Variants in NRXN3 observed in about 807,000 individuals in gnomAD.
The protein encoded by NRXN3 is neurexin III.
Under a neutral mutation model 137.6 loss-of-function variants are expected in NRXN3, and 32 were observed. That is an observed-to-expected ratio of 0.23 (90% CI 0.18 to 0.31). The LOEUF is 0.31. NRXN3 is among the 10% of genes least tolerant of loss of function. The pLI is 1.00. For missense variants in NRXN3, 1,574 were observed against 2,062.5 expected (o/e 0.76, Z 4.59); for synonymous variants, 798 against 784.5 (o/e 1.02, Z -0.29).
chr14:79,018,424 C>A (rs984350234), intron 15 of NRXN3, among the ~76,000 whole-genome samples: 2 of 152,004 alleles, frequency 1.3e-5, no homozygotes, highest in African/African-American at 4.8e-5. Context: ...ACCATCATAG[C>A]CCTGCCACTT....
At chr14:78,394,449 T>C (rs1478714599) in intron 4 of NRXN3, among the ~76,000 whole-genome samples, 3 of 152,000 alleles carry the variant, frequency 2.0e-5, no homozygotes, top group African/African-American at 7.2e-5. Context: ...TATAATTCTT[T>C]GTATATATTG....
intron 15 of NRXN3, among the ~76,000 whole-genome samples, chr14:79,058,583 C>A (rs1043964947): frequency 5.9e-5 from 9 of 152,086 alleles, no homozygotes; most frequent in Non-Finnish European, 1.3e-4. Context: ...TTCCAAGATT[C>A]TTTGATTCTA....
At position 78,249,707 on chromosome 14, in the gene NRXN3, G is replaced by A. The variant is rs560314436; in HGVS notation, c.709+5905G>A. On this transcript the variant is annotated intron_variant, in intron 2 of 20. Coordinates refer to ENST00000335750, the MANE Select transcript of NRXN3 (RefSeq NM_001330195.2). Reference sequence around the variant, plus strand: ...TTGCTCTTATTAAATACCACCCTGCGCCTGACATTCTAGGTGCTTTTTATA... The same window carrying A: ...TTGCTCTTATTAAATACCACCCTGCACCTGACATTCTAGGTGCTTTTTATA... Among the ~76,000 whole-genome samples, 7 of 152,160 alleles carry A rather than the reference G, an allele frequency of 4.6e-5. No homozygotes were observed. The South Asian group carries it at 8.3e-4, about 18-fold the overall frequency.
chr14:78,689,420 T>G (rs61977060), intron 6 of NRXN3, among the ~76,000 whole-genome samples: 22,808 of 152,118 alleles, frequency 0.15, 2,091 homozygotes, highest in African/African-American at 0.25. Flanking sequence ...TAGCACTTCT[T>G]GTTATTTGAG....
At chr14:78,661,384 A>T (rs2097840662) in intron 6 of NRXN3, among the ~76,000 whole-genome samples, 1 of 152,234 alleles carries the variant, frequency 6.6e-6, no homozygotes, top group Non-Finnish European at 1.5e-5. Flanking sequence ...CATTAATAAG[A>T]TGAGCAATAG....
chr14:79,053,315 C>T (rs913753461), intron 15 of NRXN3, among the ~76,000 whole-genome samples: 1 of 152,124 alleles, frequency 6.6e-6, no homozygotes, highest in Non-Finnish European at 1.5e-5. Flanking sequence ...CTATTATCTG[C>T]TTTTAGAGAT....
intron 10 of NRXN3, among the ~76,000 whole-genome samples, chr14:78,899,345 C>A (rs2099188216): frequency 6.6e-6 from 1 of 151,908 alleles, no homozygotes; most frequent in South Asian, 2.1e-4. Context: ...CAATCCTAAG[C>A]CCAAGAATTT....
chr14:78,424,644 T>C (rs1439158231), intron 4 of NRXN3, among the ~76,000 whole-genome samples: 1 of 152,214 alleles, frequency 6.6e-6, no homozygotes, highest in Non-Finnish European at 1.5e-5. Context: ...TCTGGGCTGA[T>C]GATTCAGGTA....
chr14:79,242,176 A>G (rs746701828), intron 15 of NRXN3, among the ~76,000 whole-genome samples: 1 of 152,190 alleles, frequency 6.6e-6, no homozygotes, highest in Non-Finnish European at 1.5e-5. Flanking sequence ...TGTAACGTGT[A>G]TAAGGTAACA....
intron 15 of NRXN3, among the ~76,000 whole-genome samples, chr14:79,070,145 A>G (rs961747762): frequency 2.6e-5 from 4 of 152,060 alleles, no homozygotes; most frequent in South Asian, 2.1e-4. Context: ...CAAGCCTCCT[A>G]TGTTTGTTCG....
chr14:79,746,301 G>T (rs1264007003), intron 19 of NRXN3, among the ~76,000 whole-genome samples: 1 of 152,108 alleles, frequency 6.6e-6, no homozygotes, highest in Non-Finnish European at 1.5e-5. Flanking sequence ...TTTGACAACT[G>T]CCCAGTTCAA....
intron 15 of NRXN3, among the ~76,000 whole-genome samples, chr14:79,064,701 C>T (rs2099678483): frequency 7.3e-6 from 1 of 136,898 alleles, no homozygotes. Flanking sequence ...TATAATTACC[C>T]ATATATATTT....
intron 15 of NRXN3, among the ~76,000 whole-genome samples, chr14:79,253,745 T>A (rs1458363201): frequency 1.3e-5 from 2 of 152,162 alleles, no homozygotes; most frequent in Admixed American, 6.5e-5. Flanking sequence ...GCTCTTGTGA[T>A]GAACTCACTC....
chr14:78,286,021 A>T (rs536922346), intron 3 of NRXN3, among the ~76,000 whole-genome samples: 4 of 152,282 alleles, frequency 2.6e-5, no homozygotes, highest in African/African-American at 9.6e-5. Context: ...TCACTCAGGG[A>T]TGCAGATCAC....
intron 15 of NRXN3, among the ~76,000 whole-genome samples, chr14:79,003,262 A>C (rs2099545475): frequency 6.6e-6 from 1 of 152,160 alleles, no homozygotes; most frequent in Non-Finnish European, 1.5e-5. Context: ...TGGTCTGTGA[A>C]TCTTTGGCTC....
chr14:78,563,788 C>T (rs1600528473), intron 4 of NRXN3, among the ~76,000 whole-genome samples: 1 of 152,176 alleles, frequency 6.6e-6, no homozygotes, highest in Admixed American at 6.5e-5. Flanking sequence ...TGCCCTTCAG[C>T]ATTCTCAATG....
intron 15 of NRXN3, among the ~76,000 whole-genome samples, chr14:79,373,829 G>A (rs1440883572): frequency 6.6e-6 from 1 of 152,024 alleles, no homozygotes; most frequent in Non-Finnish European, 1.5e-5. Flanking sequence ...TACATAAATG[G>A]ACTGGTCCCA....
At chr14:79,860,771 C>A (rs2099412483) in intron 20 of NRXN3, among the ~76,000 whole-genome samples, 1 of 152,148 alleles carries the variant, frequency 6.6e-6, no homozygotes, top group Non-Finnish European at 1.5e-5. Flanking sequence ...TAAGCAGATC[C>A]TGGAAAGAAC....
chr14:79,005,197 A>G lies in NRXN3; in HGVS notation c.3262+17056A>G, dbSNP rs2099549809. Among the ~76,000 whole-genome samples, 5 of 152,328 alleles carry G rather than the reference A, an allele frequency of 3.3e-5. No individual in the cohort carries two copies. The South Asian group carries it at 1.0e-3, about 32-fold the overall frequency. ...AGTCTAGAATACAAATGGTATTCCC[A>G]CTAATACGCAGGAGCTCTTGCCTCA... On this transcript the variant is annotated intron_variant, in intron 15 of 20. Coordinates refer to ENST00000335750, the MANE Select transcript of NRXN3 (RefSeq NM_001330195.2).
Sources: allele counts gnomAD v4.1 joint callset (sites outside exome capture counted in the v4.1 genomes callset), GRCh38; gene constraint gnomAD v4.1.1; transcripts MANE v1.5; gene names NCBI Gene and HGNC (gene_info 2026-07-23, HGNC 2026-07-21).